SMARCB1: variants seen among roughly 807,000 people sequenced by gnomAD.
The protein encoded by SMARCB1 is SWI/SNF-related matrix-associated actin-dependent regulator of chromatin subfamily B member 1.
In SMARCB1, 5 loss-of-function variants were observed where a neutral mutation model predicts 49.0. That is an observed-to-expected ratio of 0.10 (90% CI 0.05 to 0.21). SMARCB1 has a LOEUF of 0.21. SMARCB1 is among the 10% of genes least tolerant of loss of function. The pLI, the probability that SMARCB1 is intolerant of heterozygous loss-of-function variation, is 1.00. For missense variants in SMARCB1, 226 were observed against 509.2 expected (o/e 0.44, Z 5.35); for synonymous variants, 201 against 200.1 (o/e 1.00, Z -0.04).
Position 23,834,836 on chromosome 22 carries a change from TGCCGCGAGCTCTCCTGCCGTCCCTGG to T in SMARCB1, c.*662_*687del. On this transcript the variant is annotated 3_prime_UTR_variant, in exon 9 of 9. Coordinates refer to ENST00000644036, the MANE Select transcript of SMARCB1 (RefSeq NM_003073.5). Reference sequence around the variant, plus strand: ...CTCCCCTTGCTTGGCCTCAGGAAGGTGCCGCGAGCTCTCCTGCCGTCCCTGGGCCGCCCTGGCTCTGCTGTGTCCAG... The same window carrying T: ...CTCCCCTTGCTTGGCCTCAGGAAGGTGCCGCCCTGGCTCTGCTGTGTCCAG... The T allele has an allele frequency of 6.2e-7, 1 of 1,611,604 alleles. No individual in the cohort carries two copies.
At chr22:23,801,180 C>A in intron 4 of SMARCB1, 99 bp downstream of exon 4, 1 of 1,545,654 alleles carries the variant, frequency 6.5e-7, no homozygotes. Flanking sequence ...TCTGCTTTGA[C>A]CTTGTGCTCC....
chr22:23,796,313 C>G (rs751681296), intron 3 of SMARCB1, among the ~76,000 whole-genome samples: 20 of 151,844 alleles, frequency 1.3e-4, no homozygotes, highest in Non-Finnish European at 2.5e-4. Context: ...AGGTTAGTGA[C>G]GGGTCAGCCA....
rs973876398 is a variant in SMARCB1 at position 23,793,212 on chromosome 22, G to A, written c.233-347G>A. ...TACTCTGGGAGCTTTCTTTTCCCCT[G>A]AGTGAGGACCAAGAGAATATGTTCT... is the stretch of plus-strand genomic sequence containing the variant. On this transcript the variant is annotated intron_variant, in intron 2 of 8. Transcript: ENST00000644036. 1.9e-5 allele frequency: 7 copies of A among 377,782 alleles called. No individual in the cohort carries two copies. In the Admixed American group the frequency reaches 2.6e-4, roughly 14 times the overall value. The allele number at this position is 377,782 out of a possible 1,614,324, so 23.4% of individuals were successfully genotyped here. A position where few individuals can be genotyped will look rare whatever the true frequency, so the allele number is the denominator to read the frequency against.
chr22:23,788,081 G>T (rs1044502703), intron 1 of SMARCB1, among the ~76,000 whole-genome samples: 9 of 151,994 alleles, frequency 5.9e-5, no homozygotes, highest in African/African-American at 1.9e-4. Flanking sequence ...GCTATGTTGC[G>T]CAGGCAGGTC....
chr22:23,793,503 G>T (rs921099788), intron 2 of SMARCB1, 56 bp from the exon 3 acceptor site: 74 of 1,603,958 alleles, frequency 4.6e-5, no homozygotes, highest in Non-Finnish European at 6.1e-5. Flanking sequence ...CACTTGGCTG[G>T]CTGCTGTGTG....
intron 3 of SMARCB1, among the ~76,000 whole-genome samples, chr22:23,799,974 G>A (rs779876040): frequency 1.3e-5 from 2 of 151,634 alleles, no homozygotes; most frequent in Admixed American, 6.6e-5. Context: ...GTGAGCCACC[G>A]CGCCCGGCTA....
rs923164993 is a variant in SMARCB1, at chr22:23,835,889, G to A, written c.*1709G>A. On this transcript the variant is annotated 3_prime_UTR_variant, in exon 9 of 9. Transcript: ENST00000644036. ...TCACTCCTGACCGCCAGCTCACACC[G>A]CCGCAAAGCCATCTCCACAAGGTCT... 19 of 985,486 alleles carry A rather than the reference G, an allele frequency of 1.9e-5. No individual in the cohort carries two copies. In the East Asian group the frequency reaches 3.4e-4, roughly 18 times the overall value. 61.0% of individuals were successfully genotyped at this position (985,486 alleles called of 1,614,324 possible). A position where few individuals can be genotyped will look rare whatever the true frequency, so the allele number is the denominator to read the frequency against.
intron 1 of SMARCB1, 98 bp downstream of exon 1, chr22:23,787,360 C>A: frequency 1.9e-6 from 1 of 531,636 alleles, no homozygotes; most frequent in Non-Finnish European, 2.9e-6. Flanking sequence ...TTCATCGGGG[C>A]GGGCGGGCGC....
chr22:23,815,306 G>C (rs893189845), intron 5 of SMARCB1: 1 of 152,118 alleles, frequency 6.6e-6, no homozygotes, highest in Non-Finnish European at 1.5e-5. Flanking sequence ...AGGCCGAGGC[G>C]GGCGGATCAC....
In SMARCB1 at chr22:23,835,450, T is replaced by A. The variant is rs2030970244; in HGVS notation, c.*1270T>A. On this transcript the variant is annotated 3_prime_UTR_variant, in exon 9 of 9. Transcript: ENST00000644036. ...CCTGGAAGTGGGGTAGGGCCCCATG[T>A]GGGGCAGAGGCAGAGCTCTGATTAG... 1.0e-6 allele frequency: 1 copy of A among 985,970 alleles called. No homozygotes were observed. Among genetic ancestry groups the A allele is most frequent in the African/African-American group, 1.7e-5 (1 of 57,394 alleles). 61.1% of individuals were successfully genotyped at this position (985,970 alleles called of 1,614,324 possible).
intron 3 of SMARCB1, among the ~76,000 whole-genome samples, chr22:23,797,059 G>A (rs1418122779): frequency 6.7e-5 from 10 of 148,292 alleles, no homozygotes; most frequent in Admixed American, 3.4e-4. Flanking sequence ...GTGCAGTGGC[G>A]CAATCTCGGC....
At chr22:23,809,310 C>T (rs1308622712) in intron 5 of SMARCB1, among the ~76,000 whole-genome samples, 1 of 143,096 alleles carries the variant, frequency 7.0e-6, no homozygotes, top group Admixed American at 7.2e-5. Flanking sequence ...AGTTTCTGCT[C>T]TTGTTGCCCA....
At chr22:23,792,127 G>T in intron 2 of SMARCB1, 1 of 545,224 alleles carries the variant, frequency 1.8e-6, no homozygotes, top group South Asian at 1.9e-5. Flanking sequence ...TGAGCGGGCC[G>T]GGGCCAGGAC....
At chr22:23,790,556 T>A (rs1051738669) in intron 1 of SMARCB1, among the ~76,000 whole-genome samples, 1 of 151,898 alleles carries the variant, frequency 6.6e-6, no homozygotes. Context: ...TTATTTTTTT[T>A]AATTAGGCCG....
At chr22:23,828,708 T>C (rs2146033209) in intron 7 of SMARCB1, among the ~76,000 whole-genome samples, 1 of 152,324 alleles carries the variant, frequency 6.6e-6, no homozygotes, top group South Asian at 2.1e-4. Context: ...CACTCGCTGA[T>C]TCCCCAAGAG....
intron 5 of SMARCB1, chr22:23,815,263 G>A (rs1930117649): frequency 6.6e-6 from 1 of 151,988 alleles, no homozygotes; most frequent in South Asian, 2.1e-4. Flanking sequence ...GGCCAGGCGT[G>A]GTGGCTCACA....
intron 6 of SMARCB1, among the ~76,000 whole-genome samples, chr22:23,820,988 G>A (rs2146019516): frequency 6.6e-6 from 1 of 152,310 alleles, no homozygotes; most frequent in Non-Finnish European, 1.5e-5. Flanking sequence ...TTCCCTTAAC[G>A]TTTTTCTCAG....
intron 7 of SMARCB1, among the ~76,000 whole-genome samples, chr22:23,827,033 C>G (rs2030418953): frequency 6.6e-6 from 1 of 152,214 alleles, no homozygotes; most frequent in Non-Finnish European, 1.5e-5. Context: ...CAGAGCCAAG[C>G]CCTATGGCCG....
In SMARCB1 at chr22:23,836,159, AC is replaced by A; in HGVS notation, c.*1982del. The stretch of plus-strand genomic sequence containing the variant: ...AGAACCTTCCAGAAGTCCCTGCCTC[AC>A]CCAGTCTCAGAACTCTGCTAAGGTG... On this transcript the variant is annotated 3_prime_UTR_variant, in exon 9 of 9. Coordinates refer to ENST00000644036, the MANE Select transcript of SMARCB1 (RefSeq NM_003073.5). 1 of 985,480 alleles carries A rather than the reference AC, an allele frequency of 1.0e-6. No individual in the cohort carries two copies. The allele number at this position is 985,480 out of a possible 1,614,324, so 61.0% of individuals were successfully genotyped here. A position where few individuals can be genotyped will look rare whatever the true frequency, so the allele number is the denominator to read the frequency against.
Sources: gnomAD v4.1 joint callset for allele counts (sites outside exome capture counted in the v4.1 genomes callset) on GRCh38, gnomAD v4.1.1 for gene constraint, MANE v1.5 for transcripts, NCBI Gene and HGNC (gene_info 2026-07-23, HGNC 2026-07-21) for gene names.